The following OPRM1 variants were observed in gnomAD, a reference collection of about 807,000 sequenced individuals.
The protein encoded by OPRM1 is mu-type opioid receptor.
In OPRM1, 27 loss-of-function variants were observed where a neutral mutation model predicts 31.8. That is an observed-to-expected ratio of 0.85 (90% CI 0.63 to 1.17). The LOEUF (loss-of-function observed/expected upper bound fraction) is 1.17, where lower values mean the gene tolerates loss of function less well. Ranked by LOEUF, OPRM1 falls within the 50% of genes most tolerant of loss-of-function variation. The pLI is 0.00. For synonymous variants in OPRM1, 196 were observed against 189.9 expected (o/e 1.03, Z -0.26); for missense variants, 536 against 511.1 (o/e 1.05, Z -0.47).
intron 3 of OPRM1, among the ~76,000 whole-genome samples, chr6:154,225,640 G>A (rs1390786487): frequency 6.6e-6 from 1 of 152,126 alleles, no homozygotes; most frequent in African/African-American, 2.4e-5. Context: ...TTCCTTTTGG[G>A]GTGATGAAAA....
In OPRM1 at chr6:154,094,186, A is replaced by T. The variant is rs1329799536; in HGVS notation, c.1164+2714A>T. 7 of 1,269,456 alleles carry T rather than the reference A, an allele frequency of 5.5e-6. No individual in the cohort carries two copies. The African/African-American group carries it at 1.1e-4, about 19-fold the overall frequency. 78.6% of individuals were successfully genotyped at this position (1,269,456 alleles called of 1,614,324 possible). A position where few individuals can be genotyped will look rare whatever the true frequency, so the allele number is the denominator to read the frequency against. Reference sequence around the variant, plus strand: ...ACTCTATATGTCACATTTCAAGCACATTAGTCAACTTCATATTCTGCAGAT... The same window carrying T: ...ACTCTATATGTCACATTTCAAGCACTTTAGTCAACTTCATATTCTGCAGAT... On this transcript the variant is annotated intron_variant, in intron 3 of 3. Transcript: ENST00000330432.
intron 1 of OPRM1, among the ~76,000 whole-genome samples, chr6:154,068,744 A>G (rs145881204): frequency 6.6e-6 from 1 of 152,334 alleles, no homozygotes; most frequent in East Asian, 1.9e-4. Context: ...TTGCTAGATC[A>G]TATGTTAGTT....
chr6:154,071,814 C>T (rs1786810364), intron 1 of OPRM1, among the ~76,000 whole-genome samples: 1 of 152,114 alleles, frequency 6.6e-6, no homozygotes, highest in Non-Finnish European at 1.5e-5. Flanking sequence ...TTAATGTTAA[C>T]CAGGAAAGGG....
At chr6:154,234,795 T>G (rs1301131271) in intron 3 of OPRM1, among the ~76,000 whole-genome samples, 1 of 152,250 alleles carries the variant, frequency 6.6e-6, no homozygotes, top group Admixed American at 6.5e-5. Flanking sequence ...TAGTGAACTT[T>G]CAGGTAGTCT....
chr6:154,230,384 T>G (rs1396661401), intron 3 of OPRM1, among the ~76,000 whole-genome samples: 1 of 152,292 alleles, frequency 6.6e-6, no homozygotes, highest in East Asian at 1.9e-4. Flanking sequence ...AAAACTGCTC[T>G]AAAAAAATTA....
chr6:154,197,154 C>G (rs1337323792), intron 3 of OPRM1, among the ~76,000 whole-genome samples: 1 of 152,114 alleles, frequency 6.6e-6, no homozygotes, highest in African/African-American at 2.4e-5. Context: ...GATATAAAAA[C>G]ACCTTGAACA....
intron 3 of OPRM1, among the ~76,000 whole-genome samples, chr6:154,152,170 CA>C (rs11404098): frequency 0.08 from 8,565 of 106,928 alleles, 877 homozygotes; most frequent in African/African-American, 0.24. Context: ...ACTTTGAAAA[CA>C]AAAAAAAAAA....
intron 1 of OPRM1, among the ~76,000 whole-genome samples, chr6:154,057,744 T>G (rs541229701): frequency 6.6e-6 from 1 of 152,292 alleles, no homozygotes; most frequent in South Asian, 2.1e-4. Context: ...GTGGAATTTG[T>G]AGGAAGAAAA....
intron 3 of OPRM1, among the ~76,000 whole-genome samples, chr6:154,111,497 C>T (rs1171485345): frequency 1.3e-5 from 2 of 152,104 alleles, no homozygotes; most frequent in Non-Finnish European, 2.9e-5. Flanking sequence ...TGCACCTGGG[C>T]ACACCACTTC....
chr6:154,099,308 A>AATG (rs1562469644), intron 3 of OPRM1, among the ~76,000 whole-genome samples: 2 of 87,174 alleles, frequency 2.3e-5, no homozygotes, highest in African/African-American at 5.1e-5. Context: ...AGGAAGGAAG[A>AATG]AAGGAAGGAA....
chr6:154,230,394 A>G (rs1779627094), intron 3 of OPRM1, among the ~76,000 whole-genome samples: 1 of 152,206 alleles, frequency 6.6e-6, no homozygotes, highest in Admixed American at 6.5e-5. Context: ...TAAAAAAATT[A>G]AGTCTTTTAG....
Position 154,129,112 on chromosome 6 carries a change from C to G in OPRM1, c.*10391C>G, listed in dbSNP as rs1163987216. The stretch of plus-strand genomic sequence containing the variant: ...ATCGACCAGCTACTGTCTCAAAATC[C>G]AAGCTCCCTGAGTACACAATTTCTG... On this transcript the variant is annotated 3_prime_UTR_variant, in exon 4 of 4. Coordinates refer to ENST00000330432, the MANE Select transcript of OPRM1 (RefSeq NM_000914.5). 2.6e-5 allele frequency among the ~76,000 whole-genome samples: 4 copies of G among 152,168 alleles called. No homozygotes were observed. Among genetic ancestry groups the G allele is most frequent in the South Asian group, 2.1e-4 (1 of 4,818 alleles).
chr6:154,167,010 TCTA>T lies in OPRM1; in HGVS notation c.1164+75541_1164+75543del, dbSNP rs1449933354. Among the ~76,000 whole-genome samples, 3 of 152,312 alleles carry T rather than the reference TCTA, an allele frequency of 2.0e-5. No individual in the cohort carries two copies. The East Asian group carries it at 5.8e-4, about 29-fold the overall frequency. ...GTAGCCTTTTAGGGTGTTCAGATGT[TCTA>T]CTGACTAACTGGGACGCCTAAGAGC... On this transcript the variant is annotated intron_variant, in intron 3 of 3. Coordinates refer to the OPRM1 transcript ENST00000337049.
chr6:154,018,984 G>A (rs1383970706), intron 1 of OPRM1, among the ~76,000 whole-genome samples: 6 of 151,936 alleles, frequency 3.9e-5, no homozygotes, highest in Non-Finnish European at 7.4e-5. Context: ...TTTGATGGGT[G>A]CCTAGTAGGT....
At chr6:154,084,141 T>A (rs529852507) in intron 1 of OPRM1, among the ~76,000 whole-genome samples, 44 of 152,148 alleles carry the variant, frequency 2.9e-4, no homozygotes, top group African/African-American at 1.1e-3. Flanking sequence ...GATTCAGAGG[T>A]CTGCTATCAC....
chr6:154,023,500 A>G (rs1583136345), intron 1 of OPRM1, among the ~76,000 whole-genome samples: 1 of 152,156 alleles, frequency 6.6e-6, no homozygotes, highest in Non-Finnish European at 1.5e-5. Context: ...TCTGTAAACA[A>G]GGATAATTTG....
chr6:154,239,534 T>C (rs985079649), intron 3 of OPRM1, among the ~76,000 whole-genome samples: 2 of 152,200 alleles, frequency 1.3e-5, no homozygotes, highest in African/African-American at 2.4e-5. Flanking sequence ...CCATGAGTCA[T>C]TGTCTTGCGG....
chr6:154,177,279 T>C (rs1256945320), intron 3 of OPRM1, among the ~76,000 whole-genome samples: 1 of 152,178 alleles, frequency 6.6e-6, no homozygotes, highest in Non-Finnish European at 1.5e-5. Context: ...AAAGCCAAAA[T>C]TGACAAACGG....
chr6:154,141,919 C>T (rs6557337), intron 3 of OPRM1, among the ~76,000 whole-genome samples: 62,534 of 151,958 alleles, frequency 0.41, 13,209 homozygotes, highest in South Asian at 0.53. Context: ...TTCACATCTC[C>T]CAATCCACAA....
Sources: gnomAD v4.1 joint callset for allele counts (sites outside exome capture counted in the v4.1 genomes callset) on GRCh38, gnomAD v4.1.1 for gene constraint, MANE v1.5 for transcripts, NCBI Gene and HGNC (gene_info 2026-07-23, HGNC 2026-07-21) for gene names.